The following CACNA2D3 variants were observed in gnomAD, a reference collection of about 807,000 sequenced individuals.
The protein encoded by CACNA2D3 is voltage-dependent calcium channel subunit alpha-2/delta-3.
In CACNA2D3, 60 loss-of-function variants were observed where a neutral mutation model predicts 160.6. The ratio of observed to expected loss-of-function variants is 0.37; its 90% CI spans 0.30 to 0.46. CACNA2D3 has a LOEUF of 0.46. CACNA2D3 is among the 20% of genes least tolerant of loss of function. The pLI is 1.00. For synonymous variants in CACNA2D3, 558 were observed against 492.9 expected (o/e 1.13, Z -1.75); for missense variants, 1,205 against 1,365.0 (o/e 0.88, Z 1.85).
chr3:54,298,804 TGGCTCCAGAAG>T (rs140099785), intron 2 of CACNA2D3, among the ~76,000 whole-genome samples: 35,212 of 151,522 alleles, frequency 0.23, 4,292 homozygotes, highest in South Asian at 0.34. Flanking sequence ...GGAGGCCAGG[TGGCTCCAGAAG>T]GCAGTGGCTC....
chr3:54,677,370 G>C (rs529207920), intron 11 of CACNA2D3, among the ~76,000 whole-genome samples: 9 of 152,170 alleles, frequency 5.9e-5, no homozygotes, highest in Non-Finnish European at 1.3e-4. Context: ...TAAATGGCAA[G>C]ATTGAGTTGA....
At chr3:55,044,995 G>C (rs1704044696) in intron 35 of CACNA2D3, among the ~76,000 whole-genome samples, 1 of 152,176 alleles carries the variant, frequency 6.6e-6, no homozygotes, top group East Asian at 1.9e-4. Flanking sequence ...TATTCAAATT[G>C]CTAATATTAT....
At position 54,642,833 on chromosome 3, in the gene CACNA2D3, C is replaced by A. The variant is rs1440828381; in HGVS notation, c.1167+592C>A. Among the ~76,000 whole-genome samples the A allele has an allele frequency of 2.0e-5, 3 of 152,194 alleles. 1 individual carries two copies. The highest frequency in any genetic ancestry group is 4.1e-4 in the South Asian group (2 of 4,832). On this transcript the variant is annotated intron_variant, in intron 11 of 37. Coordinates refer to ENST00000474759, the MANE Select transcript of CACNA2D3 (RefSeq NM_018398.3). Reference sequence around the variant, plus strand: ...TAATATTTTTGGTGTATTCTGAGTGCCTGAACTCAGAGGTTTCTCAAGCTG... The same window carrying A: ...TAATATTTTTGGTGTATTCTGAGTGACTGAACTCAGAGGTTTCTCAAGCTG...
intron 4 of CACNA2D3, among the ~76,000 whole-genome samples, chr3:54,411,257 C>T (rs1699663520): frequency 6.6e-6 from 1 of 152,200 alleles, no homozygotes. Flanking sequence ...GATAAGGCAG[C>T]AGCAGGGTTT....
intron 9 of CACNA2D3, among the ~76,000 whole-genome samples, chr3:54,609,314 G>C (rs954887296): frequency 6.6e-6 from 1 of 152,206 alleles, no homozygotes; most frequent in Non-Finnish European, 1.5e-5. Context: ...CTCTAAAACT[G>C]TAAGAAAATA....
intron 8 of CACNA2D3, among the ~76,000 whole-genome samples, chr3:54,572,397 G>A (rs952122833): frequency 2.0e-5 from 3 of 152,190 alleles, no homozygotes; most frequent in Non-Finnish European, 4.4e-5. Context: ...CACTCACTGT[G>A]TGCAAGTCAG....
intron 3 of CACNA2D3, among the ~76,000 whole-genome samples, chr3:54,331,392 C>A (rs954987374): frequency 6.6e-6 from 1 of 152,150 alleles, no homozygotes; most frequent in African/African-American, 2.4e-5. Flanking sequence ...GCAACCCCTG[C>A]ATTAGTCAGA....
chr3:54,779,860 CTT>C (rs898373407), intron 13 of CACNA2D3, among the ~76,000 whole-genome samples: 2 of 152,184 alleles, frequency 1.3e-5, no homozygotes, highest in Admixed American at 6.5e-5. Context: ...TTTTCCCTCT[CTT>C]TTAAAATTCT....
intron 14 of CACNA2D3, among the ~76,000 whole-genome samples, chr3:54,822,217 A>G (rs1351770216): frequency 5.9e-5 from 9 of 152,190 alleles, no homozygotes. Flanking sequence ...ATATACTCAC[A>G]GTCTGAAAAA....
At chr3:55,040,730 A>C (rs1703941433) in intron 35 of CACNA2D3, among the ~76,000 whole-genome samples, 1 of 152,134 alleles carries the variant, frequency 6.6e-6, no homozygotes, top group South Asian at 2.1e-4. Context: ...TTGTGGGGTT[A>C]CTCCAACAAT....
chr3:55,059,849 C>T lies in CACNA2D3; in HGVS notation c.2988-13596C>T, dbSNP rs374483304. Reference sequence around the variant, plus strand: ...CCCTGGAGTTCAGCTATCCCACACCCGTTCTCCTCTCCAACCGTCCCCAGC... The same window carrying T: ...CCCTGGAGTTCAGCTATCCCACACCTGTTCTCCTCTCCAACCGTCCCCAGC... On this transcript the variant is annotated intron_variant, in intron 35 of 37. Transcript: ENST00000474759. Among the ~76,000 whole-genome samples the T allele has an allele frequency of 1.6e-4, 24 of 152,096 alleles. No individual in the cohort carries two copies. In the East Asian group the frequency reaches 1.9e-3, roughly 12 times the overall value.
At chr3:54,775,849 C>T (rs911051919) in intron 13 of CACNA2D3, among the ~76,000 whole-genome samples, 6 of 152,174 alleles carry the variant, frequency 3.9e-5, no homozygotes, top group Non-Finnish European at 7.3e-5. Flanking sequence ...GGGGCAGCCC[C>T]AGGAGGGATA....
chr3:54,448,440 C>G (rs1700256371), intron 4 of CACNA2D3, among the ~76,000 whole-genome samples: 1 of 152,206 alleles, frequency 6.6e-6, no homozygotes, highest in Non-Finnish European at 1.5e-5. Flanking sequence ...AGCACTCTCA[C>G]TCTGTCTCTG....
chr3:54,989,688 C>T (rs1473522009), intron 31 of CACNA2D3, among the ~76,000 whole-genome samples: 1 of 152,196 alleles, frequency 6.6e-6, no homozygotes, highest in African/African-American at 2.4e-5. Context: ...TCATAGTAAG[C>T]ATAAAGTTCT....
At chr3:54,134,480 C>T (rs1381875475) in intron 2 of CACNA2D3, among the ~76,000 whole-genome samples, 2 of 152,198 alleles carry the variant, frequency 1.3e-5, no homozygotes, top group Admixed American at 6.5e-5. Context: ...CCAGCCTTTT[C>T]CCTGTCCTTG....
chr3:54,726,883 G>A (rs1344610499), intron 11 of CACNA2D3, among the ~76,000 whole-genome samples: 1 of 152,148 alleles, frequency 6.6e-6, no homozygotes, highest in Non-Finnish European at 1.5e-5. Flanking sequence ...AACACCAAAA[G>A]CAATGGCAAC....
intron 3 of CACNA2D3, among the ~76,000 whole-genome samples, chr3:54,368,020 A>G (rs1240367235): frequency 6.6e-6 from 1 of 152,214 alleles, no homozygotes; most frequent in Non-Finnish European, 1.5e-5. Context: ...AGCAGCTGTG[A>G]CTTATTAGAG....
At chr3:55,061,952 C>T (rs1023654997) in intron 35 of CACNA2D3, among the ~76,000 whole-genome samples, 1 of 152,118 alleles carries the variant, frequency 6.6e-6, no homozygotes, top group Non-Finnish European at 1.5e-5. Context: ...AGAGAAACTT[C>T]TATAGAAGGT....
chr3:54,864,419 C>A (rs571515266), intron 17 of CACNA2D3, among the ~76,000 whole-genome samples: 12 of 152,230 alleles, frequency 7.9e-5, no homozygotes, highest in African/African-American at 2.9e-4. Flanking sequence ...GACTACGGCA[C>A]ACACCACTGC....
Sources: allele counts gnomAD v4.1 joint callset (sites outside exome capture counted in the v4.1 genomes callset), GRCh38; gene constraint gnomAD v4.1.1; transcripts MANE v1.5; gene names NCBI Gene and HGNC (gene_info 2026-07-23, HGNC 2026-07-21).